ZPLD1: variants seen among roughly 807,000 people sequenced by gnomAD.
ZPLD1 encodes the protein zona pellucida like domain containing 1.
ZPLD1 carries 34 observed loss-of-function variants against 47.2 expected under a neutral mutation model. The ratio of observed to expected loss-of-function variants is 0.72; its 90% CI spans 0.55 to 0.96. The LOEUF (loss-of-function observed/expected upper bound fraction) is 0.96, where lower values mean the gene tolerates loss of function less well. Ranked by LOEUF, ZPLD1 falls within the 40% of genes least tolerant of loss-of-function variation. ZPLD1 has a pLI of 0.00. For synonymous variants in ZPLD1, 176 were observed against 186.2 expected, an observed-to-expected ratio of 0.95 and a Z score of 0.45; for missense variants, 512 against 505.8, an observed-to-expected ratio of 1.01 and a Z score of -0.12.
At chr3:102,448,165 A>G (rs1272273454) in intron 3 of ZPLD1, among the ~76,000 whole-genome samples, 1 of 152,200 alleles carries the variant, frequency 6.6e-6, no homozygotes, top group Non-Finnish European at 1.5e-5. Flanking sequence ...AGCTTGATTA[A>G]TATCAGGGGA....
intron 8 of ZPLD1, among the ~76,000 whole-genome samples, chr3:102,464,954 T>C (rs1707568785): frequency 6.6e-6 from 1 of 152,196 alleles, no homozygotes; most frequent in South Asian, 2.1e-4. Context: ...CTGCAGCTAA[T>C]TGACACATGA....
chr3:102,393,731 G>A (rs879677979), intron 7 of ZPLD1, among the ~76,000 whole-genome samples: 12 of 152,056 alleles, frequency 7.9e-5, no homozygotes, highest in Middle Eastern at 3.4e-3. Context: ...AATATCTTTG[G>A]CATTTAAGCT....
intron 8 of ZPLD1, among the ~76,000 whole-genome samples, chr3:102,421,397 T>C (rs904736630): frequency 9.9e-5 from 15 of 151,882 alleles, no homozygotes; most frequent in African/African-American, 3.1e-4. Flanking sequence ...TGTAATAAGT[T>C]ATAATAATTG....
rs1443935923 is a variant in ZPLD1 at position 102,450,246 on chromosome 3, G to A, written c.107-2673G>A. The stretch of plus-strand genomic sequence containing the variant: ...CCTGTATTATGTTTTTAAAAATGCC[G>A]TACTGAGGAATAATTTACATATAAT... On this transcript the variant is annotated intron_variant, in intron 3 of 11. Transcript: ENST00000466937. Among the ~76,000 whole-genome samples, 10 of 152,224 alleles carry A rather than the reference G, an allele frequency of 6.6e-5. No homozygotes were observed. In the South Asian group the frequency reaches 1.0e-3, roughly 16 times the overall value.
chr3:102,417,651 C>A lies in ZPLD1; in HGVS notation c.-156-409C>A, dbSNP rs540255627. ...GTTTTCACGGTGATATTCCATATCC[C>A]GTTTTCATCACTGCATGAAATGTAG... On this transcript the variant is annotated intron_variant, in intron 7 of 17. Coordinates refer to the ZPLD1 transcript ENST00000491959. Among the ~76,000 whole-genome samples the A allele has an allele frequency of 5.3e-5, 8 of 152,022 alleles. No individual in the cohort carries two copies. The East Asian group carries it at 1.6e-3, about 30-fold the overall frequency.
intron 6 of ZPLD1, among the ~76,000 whole-genome samples, chr3:102,458,514 C>A (rs564249847): frequency 2.5e-4 from 38 of 152,098 alleles, no homozygotes; most frequent in Non-Finnish European, 4.6e-4. Context: ...ATCAATTTTT[C>A]AATCTATCAA....
intron 7 of ZPLD1, among the ~76,000 whole-genome samples, chr3:102,411,868 C>T (rs908389965): frequency 1.3e-5 from 2 of 151,748 alleles, no homozygotes; most frequent in African/African-American, 4.8e-5. Flanking sequence ...CTCTGTCGAT[C>T]TCAATGTCTT....
At chr3:102,421,076 AT>A (rs1452576397) in intron 8 of ZPLD1, among the ~76,000 whole-genome samples, 1 of 151,956 alleles carries the variant, frequency 6.6e-6, no homozygotes, top group African/African-American at 2.4e-5. Context: ...TTTCACTAAC[AT>A]TGTAAGTTCT....
chr3:102,461,936 T>A (rs1290133567), intron 6 of ZPLD1, among the ~76,000 whole-genome samples: 4 of 152,000 alleles, frequency 2.6e-5, no homozygotes, highest in Non-Finnish European at 1.5e-5. Context: ...ATCAAATAAA[T>A]GGAACATTAA....
chr3:102,435,208 C>T (rs1707070237), intron 1 of ZPLD1, 54 bp downstream of exon 1: 1 of 1,595,084 alleles, frequency 6.3e-7, no homozygotes, highest in Non-Finnish European at 8.6e-7. Flanking sequence ...TTTGTTTTAA[C>T]TTACAGTTGA....
At position 102,456,518 on chromosome 3, in the gene ZPLD1, A is replaced by G. The variant is rs550036179; in HGVS notation, c.509+144A>G. ...TAATGGGAAACATATTATGTCTAAT[A>G]TATTTACCTCTATCTGTTTATCTAT... On this transcript the variant is annotated intron_variant, in intron 5 of 11. Coordinates refer to ENST00000466937, the MANE Select transcript of ZPLD1 (RefSeq NM_001329788.2). 1.2e-3 allele frequency: 790 copies of G among 686,032 alleles called. 8 individuals carry two copies. The highest frequency in any genetic ancestry group is 8.4e-3 in the South Asian group (445 of 53,094). The allele number at this position is 686,032 out of a possible 1,614,324, so 42.5% of individuals were successfully genotyped here. A position where few individuals can be genotyped will look rare whatever the true frequency, so the allele number is the denominator to read the frequency against.
In ZPLD1 at chr3:102,476,896, C is replaced by T. The variant is rs192314411; in HGVS notation, c.1043-116C>T. ...CTTACTCAAGGAGATTATGGGTGGA[C>T]GTAAGAGGAGATAACAGGTAAAAAT... On this transcript the variant is annotated intron_variant, in intron 10 of 11. Transcript: ENST00000466937. 33 of 1,214,478 alleles carry T rather than the reference C, an allele frequency of 2.7e-5. No individual in the cohort carries two copies. The East Asian group carries it at 4.9e-4, about 18-fold the overall frequency. The allele number at this position is 1,214,478 out of a possible 1,614,324, so 75.2% of individuals were successfully genotyped here.
At chr3:102,427,338 T>C (rs556592614) in intron 8 of ZPLD1, among the ~76,000 whole-genome samples, 1 of 152,324 alleles carries the variant, frequency 6.6e-6, no homozygotes, top group Admixed American at 6.5e-5. Flanking sequence ...AATGTTTTTC[T>C]TTAGCAACAT....
rs969479989 is a variant in ZPLD1, at chr3:102,478,788, A to G, written c.*1170A>G. The stretch of plus-strand genomic sequence containing the variant: ...GCCCATGTTCTTACAAAAAAAATCA[A>G]CATTCTCTTTGTTTAAGCTACCTAT... On this transcript the variant is annotated 3_prime_UTR_variant, in exon 12 of 12. Coordinates refer to ENST00000466937, the MANE Select transcript of ZPLD1 (RefSeq NM_001329788.2). The G allele has an allele frequency of 2.0e-5, 3 of 152,240 alleles. No individual in the cohort carries two copies. The highest frequency in any genetic ancestry group is 4.4e-5 in the Non-Finnish European group (3 of 68,048). 9.4% of individuals were successfully genotyped at this position (152,240 alleles called of 1,614,324 possible).
intron 7 of ZPLD1, among the ~76,000 whole-genome samples, chr3:102,409,357 A>G (rs191625915): frequency 6.6e-6 from 1 of 151,838 alleles, no homozygotes; most frequent in Non-Finnish European, 1.5e-5. Context: ...CAGATCCCTC[A>G]TGGCTTGGTC....
At chr3:102,402,268 A>C (rs1311799188) in intron 7 of ZPLD1, among the ~76,000 whole-genome samples, 2 of 151,940 alleles carry the variant, frequency 1.3e-5, no homozygotes, top group Admixed American at 1.3e-4. Context: ...AAATCACTTA[A>C]ATATCTCTCT....
At chr3:102,471,241 CAG>C (rs1036910630) in intron 10 of ZPLD1, among the ~76,000 whole-genome samples, 6 of 152,176 alleles carry the variant, frequency 3.9e-5, no homozygotes, top group Non-Finnish European at 7.3e-5. Flanking sequence ...TGGGAGGGCA[CAG>C]AAATTGTGGC....
intron 6 of ZPLD1, among the ~76,000 whole-genome samples, chr3:102,458,119 A>C (rs916071973): frequency 5.9e-5 from 9 of 152,176 alleles, no homozygotes; most frequent in African/African-American, 2.2e-4. Flanking sequence ...GTCTACCTAC[A>C]TTTACATGTA....
chr3:102,440,731 G>GAAAA (rs77649810), intron 3 of ZPLD1, among the ~76,000 whole-genome samples: 1 of 112,868 alleles, frequency 8.9e-6, no homozygotes, highest in African/African-American at 3.2e-5. Flanking sequence ...TTGTGATTGG[G>GAAAA]AAAAAAAAAA....
Sources: allele counts gnomAD v4.1 joint callset (sites outside exome capture counted in the v4.1 genomes callset), GRCh38; gene constraint gnomAD v4.1.1; transcripts MANE v1.5; gene names NCBI Gene and HGNC (gene_info 2026-07-23, HGNC 2026-07-21).